Variants in C5orf24 observed in about 807,000 individuals in gnomAD.
The protein encoded by C5orf24 is UPF0461 protein C5orf24.
A neutral mutation model predicts 9.8 loss-of-function variants in C5orf24; 4 were observed. The observed-to-expected ratio is 0.41, with a 90% CI of 0.20 to 0.93. The LOEUF is 0.93. Ranked by LOEUF, C5orf24 falls within the 40% of genes least tolerant of loss-of-function variation. The pLI, the probability that C5orf24 is intolerant of heterozygous loss-of-function variation, is 0.33. For missense variants in C5orf24, 170 were observed against 236.9 expected, an observed-to-expected ratio of 0.72 and a Z score of 1.85; for synonymous variants, 73 against 81.3, an observed-to-expected ratio of 0.90 and a Z score of 0.55.
At chr5:134,847,569 C>T (rs1444099974) in intron 1 of C5orf24, among the ~76,000 whole-genome samples, 1 of 152,226 alleles carries the variant, frequency 6.6e-6, no homozygotes, top group Non-Finnish European at 1.5e-5. Context: ...GCTGGGATTA[C>T]AGGCGTGAGC....
chr5:134,841,381 G>A (rs536081988), upstream of C5orf24, among the ~76,000 whole-genome samples: 1 of 151,988 alleles, frequency 6.6e-6, no homozygotes, highest in African/African-American at 2.4e-5. Flanking sequence ...CCTGAGGCCA[G>A]GAGTTGGAGA....
the C5orf24 span, chr5:134,833,657 A>G: frequency 6.6e-6 from 1 of 152,166 alleles, no homozygotes; most frequent in East Asian, 1.9e-4. Context: ...CTGTTAACGG[A>G]TATTTGAAGG....
At chr5:134,849,647 C>CTTTTTTTTTTTTTTTTTTTTTTTTTTT (rs35375521) in intron 1 of C5orf24, among the ~76,000 whole-genome samples, 1 of 76,966 alleles carries the variant, frequency 1.3e-5, no homozygotes, top group Non-Finnish European at 2.2e-5. Flanking sequence ...AAGTCAGTGT[C>CTTTTTTTTTTTTTTTTTTTTTTTTTTT]TTTTTTTTTT....
chr5:134,854,171 T>A (rs1238150088), intron 1 of C5orf24, among the ~76,000 whole-genome samples: 2 of 152,242 alleles, frequency 1.3e-5, no homozygotes, highest in Non-Finnish European at 2.9e-5. Flanking sequence ...TGTTCACTCA[T>A]TTTAGCTAAT....
At chr5:134,837,056 C>T in the C5orf24 span, among the ~76,000 whole-genome samples, 4 of 152,096 alleles carry the variant, frequency 2.6e-5, no homozygotes, top group Non-Finnish European at 5.9e-5. Flanking sequence ...TCACTGCAAC[C>T]TCCGCCTCCC....
chr5:134,846,957 T>A (rs926444656), intron 1 of C5orf24: 2 of 152,216 alleles, frequency 1.3e-5, no homozygotes, highest in African/African-American at 4.8e-5. Context: ...GAGAATTACG[T>A]GATCTTTGAT....
In C5orf24 at chr5:134,856,190, T is replaced by C; in HGVS notation, c.*723T>C. On this transcript the variant is annotated 3_prime_UTR_variant, in exon 2 of 2. Transcript: ENST00000394976. ...AAACAATTCATATTTACAGAAAATTTAAACTATTTTATAAAAACTGCACAT... is the reference window on the plus strand; with the variant it reads ...AAACAATTCATATTTACAGAAAATTCAAACTATTTTATAAAAACTGCACAT... The C allele has an allele frequency of 1.0e-6, 1 of 995,526 alleles. No individual in the cohort carries two copies. Among genetic ancestry groups the C allele is most frequent in the Non-Finnish European group, 1.2e-6 (1 of 825,630 alleles). The allele number at this position is 995,526 out of a possible 1,614,324, so 61.7% of individuals were successfully genotyped here. A position where few individuals can be genotyped will look rare whatever the true frequency, so the allele number is the denominator to read the frequency against.
At chr5:134,840,657 C>G in the C5orf24 span, among the ~76,000 whole-genome samples, 1 of 152,170 alleles carries the variant, frequency 6.6e-6, no homozygotes, top group East Asian at 1.9e-4. Context: ...CCTCAGCATC[C>G]TAAGTAGTTG....
chr5:134,857,452 T>C lies in C5orf24; in HGVS notation c.*1985T>C. The C allele has an allele frequency of 6.6e-7, 1 of 1,519,198 alleles. No individual in the cohort carries two copies. The highest frequency in any genetic ancestry group is 8.9e-7 in the Non-Finnish European group (1 of 1,128,424). 94.1% of individuals were successfully genotyped at this position (1,519,198 alleles called of 1,614,324 possible). On this transcript the variant is annotated 3_prime_UTR_variant, in exon 2 of 2. Coordinates refer to ENST00000394976, the MANE Select transcript of C5orf24 (RefSeq NM_001135586.1). The stretch of plus-strand genomic sequence containing the variant: ...TTACAGTAAGAGGTGTTGCATTGTA[T>C]GTGGGGACTATGTGCACTGGCGTCT...
At position 134,855,080 on chromosome 5, in the gene C5orf24, T is replaced by A; in HGVS notation, c.180T>A (p.Asn60Lys). 1 of 1,614,014 alleles carries A rather than the reference T, an allele frequency of 6.2e-7. No homozygotes were observed. The highest frequency in any genetic ancestry group is 8.5e-7 in the Non-Finnish European group (1 of 1,180,018). Residue 60 changes from asparagine (N) to lysine (K), a missense_variant, in exon 2 of 2, where the codon AAT becomes AAA. By Grantham distance (94) the Asn-to-Lys change is moderately conservative (BLOSUM62 0). Transcript: ENST00000394976. ...TTTGTCAGAGGCAAGACCCATTAAA[T>A]GAAACACACTTGCAGACTACAAGTG... ...PMVCQRQDPL[N>K]ETHLQTTSGR...
At position 134,858,548 on chromosome 5, in the gene C5orf24, C is replaced by T. The variant is rs771155999; in HGVS notation, c.*3081C>T. 1.2e-5 allele frequency: 2 copies of T among 166,928 alleles called. No homozygotes were observed. Among genetic ancestry groups the T allele is most frequent in the Non-Finnish European group, 2.9e-5 (2 of 68,086 alleles). 10.3% of individuals were successfully genotyped at this position (166,928 alleles called of 1,614,324 possible). A position where few individuals can be genotyped will look rare whatever the true frequency, so the allele number is the denominator to read the frequency against. ...TAATTTTATACAGTGTAATTCTGTT[C>T]TTCACAAAATAGGTTTCATTATTCT... On this transcript the variant is annotated 3_prime_UTR_variant, in exon 2 of 2. Coordinates refer to ENST00000394976, the MANE Select transcript of C5orf24 (RefSeq NM_001135586.1).
chr5:134,856,535 G>C lies in C5orf24; in HGVS notation c.*1068G>C. ...GGGCGCCTGTAATCCAAGCTACTGG[G>C]GAGGCTGAGGCAGGAGAATTGCTTA... On this transcript the variant is annotated 3_prime_UTR_variant, in exon 2 of 2. Transcript: ENST00000394976. 1 of 296,160 alleles carries C rather than the reference G, an allele frequency of 3.4e-6. No individual in the cohort carries two copies. Among genetic ancestry groups the C allele is most frequent in the Non-Finnish European group, 5.3e-6 (1 of 189,458 alleles). 18.3% of individuals were successfully genotyped at this position (296,160 alleles called of 1,614,324 possible).
chr5:134,837,213 TC>T, the C5orf24 span, among the ~76,000 whole-genome samples: 1 of 152,158 alleles, frequency 6.6e-6, no homozygotes. Flanking sequence ...CCTCAGGTGA[TC>T]CACCCGCCTT....
intron 1 of C5orf24, among the ~76,000 whole-genome samples, chr5:134,851,867 T>G (rs1223474229): frequency 6.6e-6 from 1 of 152,240 alleles, no homozygotes; most frequent in Non-Finnish European, 1.5e-5. Flanking sequence ...AATACTATGT[T>G]TGGAACTCAT....
In C5orf24 at chr5:134,855,525, T is replaced by A; in HGVS notation, c.*58T>A. 1 of 1,585,886 alleles carries A rather than the reference T, an allele frequency of 6.3e-7. No individual in the cohort carries two copies. The highest frequency in any genetic ancestry group is 8.5e-7 in the Non-Finnish European group (1 of 1,171,694). On this transcript the variant is annotated 3_prime_UTR_variant, in exon 2 of 2. Transcript: ENST00000394976. ...GAAGATTGTGAATAATCCCAAAGCT[T>A]CTTGGTTTTATTTTGATATACATAA...
chr5:134,850,128 G>A (rs1756116303), intron 1 of C5orf24, among the ~76,000 whole-genome samples: 1 of 152,116 alleles, frequency 6.6e-6, no homozygotes, highest in South Asian at 2.1e-4. Flanking sequence ...TTGAAGGAAT[G>A]AAGAAATGGA....
At chr5:134,839,662 C>G in the C5orf24 span, among the ~76,000 whole-genome samples, 2 of 150,908 alleles carry the variant, frequency 1.3e-5, no homozygotes, top group Admixed American at 1.3e-4. Flanking sequence ...GATGCTAATG[C>G]AAGTGTTAAA....
intron 1 of C5orf24, among the ~76,000 whole-genome samples, chr5:134,854,298 A>G (rs966599825): frequency 1.3e-4 from 20 of 152,204 alleles, no homozygotes; most frequent in Non-Finnish European, 1.9e-4. Context: ...TCTTAGCCAA[A>G]AGGCCAAGAA....
In C5orf24 at chr5:134,859,246, A is replaced by G. The variant is rs1756387897; in HGVS notation, c.*3779A>G. 6.0e-6 allele frequency: 1 copy of G among 167,016 alleles called. No homozygotes were observed. Among genetic ancestry groups the G allele is most frequent in the Non-Finnish European group, 1.5e-5 (1 of 68,094 alleles). 10.3% of individuals were successfully genotyped at this position (167,016 alleles called of 1,614,324 possible). A position where few individuals can be genotyped will look rare whatever the true frequency, so the allele number is the denominator to read the frequency against. ...TTTATAGGAATATAAAGAATTCAAA[A>G]CAGTTTTTCAAAAGATTTTTTTCCT... On this transcript the variant is annotated 3_prime_UTR_variant, in exon 2 of 2. Transcript: ENST00000394976.
Sources: gnomAD v4.1 joint callset for allele counts (sites outside exome capture counted in the v4.1 genomes callset) on GRCh38, gnomAD v4.1.1 for gene constraint, MANE v1.5 for transcripts, NCBI Gene and HGNC (gene_info 2026-07-23, HGNC 2026-07-21) for gene names.